CARNS1: variants seen among roughly 807,000 people sequenced by gnomAD.
The protein encoded by CARNS1 is ATP-grasp domain containing 1.
In CARNS1, 61 loss-of-function variants were observed where a neutral mutation model predicts 74.0. That is an observed-to-expected ratio of 0.82 (90% CI 0.67 to 1.02). The LOEUF is 1.02. Among genes scored for constraint, CARNS1 ranks in the 50% least tolerant of loss-of-function variants. The pLI is 0.00. For synonymous variants in CARNS1, 568 were observed against 605.5 expected, an observed-to-expected ratio of 0.94 and a Z score of 0.91; for missense variants, 1,278 against 1,308.4, an observed-to-expected ratio of 0.98 and a Z score of 0.36.
In CARNS1 at chr11:67,418,902, C is replaced by A. The variant is rs781336685; in HGVS notation, c.511C>A (p.Arg171Ser). ...TFLDDFVPPRRATYFLAGLGL... is the reference protein window; with the variant it reads ...TFLDDFVPPRSATYFLAGLGL... ...CCTGGATGACTTTGTCCCCCCGCGC[C>A]GTGCCACCTACTTTTTGGCAGGCCT... Residue 171 changes from arginine (R) to serine (S), a missense_variant, in exon 5 of 10, where the codon CGT becomes AGT. This residue lies in a region of CARNS1 where 1,164 missense variants were observed against 1,156.5 expected (regional missense o/e 1.01). Coordinates refer to ENST00000687366, the MANE Select transcript of CARNS1 (RefSeq NM_001166222.2). 3 of 1,594,908 alleles carry A rather than the reference C, an allele frequency of 1.9e-6. No homozygotes were observed. The highest frequency in any genetic ancestry group is 1.7e-6 in the Non-Finnish European group (2 of 1,170,628).
intron 7 of CARNS1, 125 bp from the exon 8 acceptor site, chr11:67,420,484 G>A (rs1368667627): frequency 3.9e-6 from 2 of 512,318 alleles, no homozygotes; most frequent in Admixed American, 4.4e-5. Flanking sequence ...TTTAAGACAC[G>A]TTGGAGGACG....
Position 67,418,526 on chromosome 11 carries a change from T to C in CARNS1, c.364+6T>C. On this transcript the variant is annotated splice_donor_region_variant and intron_variant, in intron 4 of 9. Coordinates refer to ENST00000687366, the MANE Select transcript of CARNS1 (RefSeq NM_001166222.2). ...GGGTGGGGTCCAGAGCCCGGGTGAG[T>C]GTATGCTCAAGTTTCCCCATCCCCT... 1.3e-6 allele frequency: 2 copies of C among 1,526,804 alleles called. No homozygotes were observed. Among genetic ancestry groups the C allele is most frequent in the Non-Finnish European group, 1.8e-6 (2 of 1,141,108 alleles). 94.6% of individuals were successfully genotyped at this position (1,526,804 alleles called of 1,614,324 possible). A position where few individuals can be genotyped will look rare whatever the true frequency, so the allele number is the denominator to read the frequency against.
Position 67,423,478 on chromosome 11 carries a change from G to T in CARNS1, c.1730G>T (p.Arg577Leu). Residue 577 changes from arginine to leucine, a missense_variant, in exon 10 of 10, where the codon CGG becomes CTG. Physicochemically the swap from Arg to Leu is moderately radical, Grantham distance 102. This residue lies in a region of CARNS1 where 1,164 missense variants were observed against 1,156.5 expected (regional missense o/e 1.01). Coordinates refer to ENST00000687366, the MANE Select transcript of CARNS1 (RefSeq NM_001166222.2). This position sits in a 1 kb window ranked among gnomAD's most constrained non-coding sequence, Gnocchi z 5.1. ...CACCGGAGGGATGAGGAGAACGCAC[G>T]GCTGCTGGCAGAGTTGGTGCGGGCT... The part of the protein sequence containing the change: ...TEHRRDEENA[R>L]LLAELVRARG... The T allele has an allele frequency of 6.2e-7, 1 of 1,614,042 alleles. No homozygotes were observed. The highest frequency in any genetic ancestry group is 8.5e-7 in the Non-Finnish European group (1 of 1,179,892).
At position 67,420,677 on chromosome 11, in the gene CARNS1, G is replaced by C; in HGVS notation, c.1182G>C (p.Glu394Asp). The change falls in exon 8 of 10, where the codon GAG becomes GAC. Residue 394 changes from glutamate (E) to aspartate (D), a missense_variant. Coordinates refer to ENST00000687366, the MANE Select transcript of CARNS1 (RefSeq NM_001166222.2). ...RHHNSLPRTL[E>D]VALAQCGLGE... ...ACAACTCCCTGCCGAGGACGCTGGA[G>C]GTGGCGCTGGCCCAGTGCGGCCTGG... 1 of 1,262,710 alleles carries C rather than the reference G, an allele frequency of 7.9e-7. No individual in the cohort carries two copies. The highest frequency in any genetic ancestry group is 3.1e-5 in the East Asian group (1 of 32,082). The allele number at this position is 1,262,710 out of a possible 1,614,324, so 78.2% of individuals were successfully genotyped here.
chr11:67,416,047 C>A, intron 1 of CARNS1, 129 bp from the exon 2 acceptor site: 1 of 689,494 alleles, frequency 1.5e-6, no homozygotes, highest in Non-Finnish European at 2.6e-6. Context: ...GTGGGGCTGC[C>A]TTGGCCTCTC....
Position 67,425,027 on chromosome 11 carries a change from G to A in CARNS1, c.*426G>A. 2.1e-6 allele frequency: 1 copy of A among 473,342 alleles called. No homozygotes were observed. The highest frequency in any genetic ancestry group is 4.2e-6 in the Non-Finnish European group (1 of 238,994). The allele number at this position is 473,342 out of a possible 1,614,324, so 29.3% of individuals were successfully genotyped here. On this transcript the variant is annotated 3_prime_UTR_variant, in exon 10 of 10. Transcript: ENST00000687366. ...GGCCCCAAGCCTTGGACAAATCCTG[G>A]GAAAACCTGAGACTAGAACCCTTGT...
intron 9 of CARNS1, 114 bp downstream of exon 9, chr11:67,421,333 C>T (rs1863699469): frequency 8.5e-7 from 1 of 1,183,300 alleles, no homozygotes; most frequent in Non-Finnish European, 1.1e-6. Flanking sequence ...ACCAGCCGCG[C>T]TAGAGGCGGT....
intron 6 of CARNS1, 28 bp downstream of exon 6, chr11:67,419,689 T>C (rs1241437000): frequency 6.3e-7 from 1 of 1,588,206 alleles, no homozygotes. Context: ...TGACCAGGGA[T>C]GGGAGTTTGG....
chr11:67,419,963 T>C (rs1361204639), intron 7 of CARNS1, 125 bp downstream of exon 7: 2 of 929,602 alleles, frequency 2.2e-6, no homozygotes, highest in Non-Finnish European at 3.3e-6. Flanking sequence ...AGGGGGGTCG[T>C]AGTTGCCTCT....
rs559781971 is a variant in CARNS1, at chr11:67,416,036, G to C, written c.-24-140G>C. On this transcript the variant is annotated intron_variant, in intron 1 of 9. Transcript: ENST00000687366. ...AATCCCTCCCTACCTTCGGGGTGGGGGTGGGGCTGCCTTGGCCTCTCTCTG... is the reference window on the plus strand; with the variant it reads ...AATCCCTCCCTACCTTCGGGGTGGGCGTGGGGCTGCCTTGGCCTCTCTCTG... 33 of 667,060 alleles carry C rather than the reference G, an allele frequency of 4.9e-5. No individual in the cohort carries two copies. The East Asian group carries it at 5.2e-4, about 11-fold the overall frequency. 41.3% of individuals were successfully genotyped at this position (667,060 alleles called of 1,614,324 possible).
At chr11:67,418,338 C>T in intron 3 of CARNS1, 93 bp from the exon 4 acceptor site, 3 of 898,464 alleles carry the variant, frequency 3.3e-6, no homozygotes, top group Middle Eastern at 3.2e-4. Flanking sequence ...TCTGGGGGCT[C>T]AGGGTGGGGC....
Position 67,419,634 on chromosome 11 carries a change from T to C in CARNS1, c.1000T>C (p.Tyr334His), listed in dbSNP as rs1166032889. 2 of 1,599,434 alleles carry C rather than the reference T, an allele frequency of 1.3e-6. No individual in the cohort carries two copies. The highest frequency in any genetic ancestry group is 1.1e-5 in the South Asian group (1 of 88,698). ...GGAGAGTGTCCTGGTGGAGGCTGTGTACCCACCTGCCCAGCTGCCCTGCTC... is the reference window on the plus strand; with the variant it reads ...GGAGAGTGTCCTGGTGGAGGCTGTGCACCCACCTGCCCAGCTGCCCTGCTC... ...EEESVLVEAV[Y>H]PPAQLPCSDG... is the part of the protein sequence containing the mutation. The change falls in exon 6 of 10, where the codon TAC becomes CAC. Residue 334 changes from tyrosine to histidine, a missense_variant. By Grantham distance (83) the Tyr-to-His change is moderately conservative (BLOSUM62 2). Around this residue, in one of 3 missense-constraint regions of CARNS1, gnomAD observed 1,164 missense variants for 1,156.5 expected, o/e 1.01. Transcript: ENST00000687366.
Position 67,424,615 on chromosome 11 carries a change from G to A in CARNS1, c.*14G>A. ...CACTTCAAATAGCACTGGGGTCAGG[G>A]GGCAGGGAAGCAGTGCTGGGTGGAG... On this transcript the variant is annotated 3_prime_UTR_variant, in exon 10 of 10. Coordinates refer to ENST00000687366, the MANE Select transcript of CARNS1 (RefSeq NM_001166222.2). The A allele has an allele frequency of 6.3e-7, 1 of 1,592,700 alleles. No homozygotes were observed. Among genetic ancestry groups the A allele is most frequent in the Non-Finnish European group, 8.5e-7 (1 of 1,169,630 alleles).
rs371144338 is a variant in CARNS1 at position 67,424,515 on chromosome 11, C to T, written c.2767C>T (p.Arg923Cys). The T allele has an allele frequency of 5.8e-5, 92 of 1,593,724 alleles. 1 individual carries two copies. The Middle Eastern group carries it at 6.8e-4, about 12-fold the overall frequency. The change falls in exon 10 of 10, where the codon CGT becomes TGT. Residue 923 changes from arginine to cysteine, a missense_variant. This residue lies in a region of CARNS1 where 1,164 missense variants were observed against 1,156.5 expected (regional missense o/e 1.01). Coordinates refer to ENST00000687366, the MANE Select transcript of CARNS1 (RefSeq NM_001166222.2). ...ACAGPSPTEA[R>C]LRLLGLCQGL... is the part of the protein sequence containing the mutation. The stretch of plus-strand genomic sequence containing the variant: ...TGCCGGACCCAGCCCCACCGAGGCC[C>T]GTCTCCGCCTGCTGGGCCTCTGCCA...
rs1252555526 is a variant in CARNS1 at position 67,425,234 on chromosome 11, G to C, written c.*633G>C. ...CCCCCGATGAGAGGAAACAGGCTGA[G>C]AGAAGAAAAATGACTGCTCCAGGAT... On this transcript the variant is annotated 3_prime_UTR_variant, in exon 10 of 10. Transcript: ENST00000687366. 2.7e-6 allele frequency: 1 copy of C among 369,142 alleles called. No individual in the cohort carries two copies. Among genetic ancestry groups the C allele is most frequent in the Non-Finnish European group, 5.3e-6 (1 of 186,918 alleles). 22.9% of individuals were successfully genotyped at this position (369,142 alleles called of 1,614,324 possible).
At position 67,424,049 on chromosome 11, in the gene CARNS1, G is replaced by A. The variant is rs1203206525; in HGVS notation, c.2301G>A (p.Met767Ile). 6.2e-7 allele frequency: 1 copy of A among 1,612,698 alleles called. No homozygotes were observed. Among genetic ancestry groups the A allele is most frequent in the African/African-American group, 1.3e-5 (1 of 74,914 alleles). ...GCTTCACTGAGACGGCGGCCTGCAT[G>A]CCCACCGGGCTGGCACCAGAGCAGG... The part of the protein sequence containing the change: ...LPGFTETAAC[M>I]PTGLAPEQEA... Residue 767 changes from methionine (M) to isoleucine (I), a missense_variant, in exon 10 of 10, where the codon ATG becomes ATA. Physicochemically the swap from Met to Ile is conservative, Grantham distance 10 (BLOSUM62 1). Transcript: ENST00000687366.
Position 67,423,182 on chromosome 11 carries a change from C to T in CARNS1, c.1627-193C>T, listed in dbSNP as rs1169463831. On this transcript the variant is annotated intron_variant, in intron 9 of 9. Coordinates refer to ENST00000687366, the MANE Select transcript of CARNS1 (RefSeq NM_001166222.2). This position sits in a 1 kb window ranked among gnomAD's most constrained non-coding sequence, Gnocchi z 5.1. Reference sequence around the variant, plus strand: ...CATTGCCTCCTCTAGGATGCCTTCCCTCCCCTCCGGCCTGTATCAGGTGTC... The same window carrying T: ...CATTGCCTCCTCTAGGATGCCTTCCTTCCCCTCCGGCCTGTATCAGGTGTC... Among the ~76,000 whole-genome samples, 2 of 152,194 alleles carry T rather than the reference C, an allele frequency of 1.3e-5. No homozygotes were observed. Among genetic ancestry groups the T allele is most frequent in the Non-Finnish European group, 2.9e-5 (2 of 68,034 alleles).
rs1178520702 is a variant in CARNS1 at position 67,420,970 on chromosome 11, C to T, written c.1377C>T (p.Gly459=). ...ATTTCGCGCTGACAGCGGCCGGCGG[C>T]GTGCTGACCCCAGTGGCCCTGGAGC... is the stretch of plus-strand genomic sequence containing the variant. ...GVDFALTAAG[G]VLTPVALELN... is the part of the protein sequence containing the mutation. Residue 459 remains glycine, a synonymous_variant, in exon 9 of 10, where the codon GGC becomes GGT. Transcript: ENST00000687366. The T allele has an allele frequency of 6.3e-6, 9 of 1,425,346 alleles. No individual in the cohort carries two copies. Among genetic ancestry groups the T allele is most frequent in the South Asian group, 4.1e-5 (3 of 73,218 alleles). 88.3% of individuals were successfully genotyped at this position (1,425,346 alleles called of 1,614,324 possible).
chr11:67,416,901 G>A, intron 2 of CARNS1: 2 of 986,924 alleles, frequency 2.0e-6, no homozygotes, highest in Non-Finnish European at 2.4e-6. Flanking sequence ...AGACCTACGT[G>A]GGGATGACAG....
Sources: allele counts gnomAD v4.1 joint callset (sites outside exome capture counted in the v4.1 genomes callset), GRCh38; gene constraint gnomAD v4.1.1; regional missense constraint gnomAD v4.1.1; non-coding constraint Gnocchi (gnomAD v3.1); transcripts MANE v1.5; gene names NCBI Gene and HGNC (gene_info 2026-07-23, HGNC 2026-07-21).